Variants in MYO7B observed in about 807,000 individuals in gnomAD.
The protein encoded by MYO7B is unconventional myosin-VIIb.
MYO7B carries 212 observed loss-of-function variants against 259.7 expected under a neutral mutation model. That is an observed-to-expected ratio of 0.82 (90% CI 0.73 to 0.91). The LOEUF (loss-of-function observed/expected upper bound fraction) is 0.91, where lower values mean the gene tolerates loss of function less well. MYO7B is among the 40% of genes least tolerant of loss of function. The pLI, the probability that MYO7B is intolerant of heterozygous loss-of-function variation, is 0.00. For missense variants in MYO7B, 2,732 were observed against 2,813.5 expected (o/e 0.97, Z 0.66); for synonymous variants, 1,197 against 1,166.4 (o/e 1.03, Z -0.54).
At position 127,636,503 on chromosome 2, in the gene MYO7B, C is replaced by A. The variant is rs757692101; in HGVS notation, c.6124-42C>A. 1 of 1,573,876 alleles carries A rather than the reference C, an allele frequency of 6.4e-7. No homozygotes were observed. The highest frequency in any genetic ancestry group is 8.7e-7 in the Non-Finnish European group (1 of 1,155,136). On this transcript the variant is annotated intron_variant, in intron 45 of 47. Transcript: ENST00000409816. The surrounding 1 kb of genome is among the most constrained non-coding windows in gnomAD (Gnocchi z 4.5). Reference sequence around the variant, plus strand: ...TGAGCTCCTGGGAGGTGCAGCCTGGCCTCCCGGGCTGGACTATGACCGCCG... The same window carrying A: ...TGAGCTCCTGGGAGGTGCAGCCTGGACTCCCGGGCTGGACTATGACCGCCG...
At chr2:127,618,561 G>A (rs891794976) in intron 26 of MYO7B, among the ~76,000 whole-genome samples, 4 of 152,232 alleles carry the variant, frequency 2.6e-5, no homozygotes, top group African/African-American at 9.6e-5. Flanking sequence ...GGCAGACGCA[G>A]TTTGTCAGTT....
At chr2:127,544,793 G>T (rs1162945288) in intron 1 of MYO7B, among the ~76,000 whole-genome samples, 1 of 151,942 alleles carries the variant, frequency 6.6e-6, no homozygotes, top group Non-Finnish European at 1.5e-5. Flanking sequence ...TATTAGCCAG[G>T]ATGGTCTCGA....
At chr2:127,554,998 G>C (rs1422917862) in intron 1 of MYO7B, among the ~76,000 whole-genome samples, 1 of 151,034 alleles carries the variant, frequency 6.6e-6, no homozygotes, top group Non-Finnish European at 1.5e-5. Context: ...GCCCAGGCTG[G>C]AGCACAGTGG....
At chr2:127,601,385 T>C (rs1289673456) in intron 19 of MYO7B, among the ~76,000 whole-genome samples, 1 of 152,252 alleles carries the variant, frequency 6.6e-6, no homozygotes. Flanking sequence ...ATTTTCTGTC[T>C]ATGTGTTTTA....
At chr2:127,549,443 A>G (rs1303867821) in intron 1 of MYO7B, among the ~76,000 whole-genome samples, 1 of 152,220 alleles carries the variant, frequency 6.6e-6, no homozygotes, top group Non-Finnish European at 1.5e-5. Context: ...CTCAATAGGT[A>G]GTCTTCACAT....
At position 127,623,227 on chromosome 2, in the gene MYO7B, C is replaced by A. The variant is rs1307876875; in HGVS notation, c.3671C>A (p.Pro1224His). The change falls in exon 29 of 48, where the codon CCC (proline) becomes CAC (histidine). Residue 1224 changes from proline (P) to histidine (H), a missense_variant. Physicochemically the swap from Pro to His is moderately conservative, Grantham distance 77 (BLOSUM62 -2). Around this residue, in one of 3 missense-constraint regions of MYO7B, gnomAD observed 1,906 missense variants for 2,026.4 expected, o/e 0.94. Coordinates refer to ENST00000409816, the MANE Select transcript of MYO7B (RefSeq NM_001393586.1). ...LQAVKSKKHI[P>H]IQVILATGES... ...GCTGTCAAGTCCAAGAAGCACATCCCCATCCAAGTCATCTTGGCCACTGGA... is the reference window on the plus strand; with the variant it reads ...GCTGTCAAGTCCAAGAAGCACATCCACATCCAAGTCATCTTGGCCACTGGA... 11 of 1,613,508 alleles carry A rather than the reference C, an allele frequency of 6.8e-6. No homozygotes were observed. In the Admixed American group the frequency reaches 1.8e-4, roughly 27 times the overall value.
rs1692938560 is a variant in MYO7B, at chr2:127,539,947, T to G, written c.-24+4116T>G. 6.6e-6 allele frequency among the ~76,000 whole-genome samples: 1 copy of G among 152,240 alleles called. No homozygotes were observed. The highest frequency in any genetic ancestry group is 2.4e-5 in the African/African-American group (1 of 41,460). On this transcript the variant is annotated intron_variant, in intron 1 of 47. Transcript: ENST00000409816. This position sits in a 1 kb window ranked among gnomAD's most constrained non-coding sequence, Gnocchi z 4.0. Reference sequence around the variant, plus strand: ...CATACGATATTTGGTTTTCCATTTCTGAGTTACTTCACTTAGAATAATGGC... The same window carrying G: ...CATACGATATTTGGTTTTCCATTTCGGAGTTACTTCACTTAGAATAATGGC...
rs899212191 is a variant in MYO7B, at chr2:127,628,856, A to G, written c.4624+321A>G. On this transcript the variant is annotated intron_variant, in intron 34 of 47. Coordinates refer to ENST00000409816, the MANE Select transcript of MYO7B (RefSeq NM_001393586.1). This position sits in a 1 kb window ranked among gnomAD's most constrained non-coding sequence, Gnocchi z 4.8. Reference sequence around the variant, plus strand: ...GGGAAGTTTTGAACACCATCCCCACAGCGCACTGCTGCAAAAGCACCCCAT... The same window carrying G: ...GGGAAGTTTTGAACACCATCCCCACGGCGCACTGCTGCAAAAGCACCCCAT... 3.3e-5 allele frequency among the ~76,000 whole-genome samples: 5 copies of G among 152,208 alleles called. No homozygotes were observed. Among genetic ancestry groups the G allele is most frequent in the African/African-American group, 9.6e-5 (4 of 41,460 alleles).
intron 15 of MYO7B, among the ~76,000 whole-genome samples, chr2:127,589,391 G>C (rs1215067843): frequency 6.6e-6 from 1 of 150,396 alleles, no homozygotes; most frequent in Non-Finnish European, 1.5e-5. Context: ...GCATGGGTGG[G>C]TGCATGTGGC....
Position 127,588,397 on chromosome 2 carries a change from C to T in MYO7B, c.1696C>T (p.Leu566=), listed in dbSNP as rs1679385307. 2 of 1,612,634 alleles carry T rather than the reference C, an allele frequency of 1.2e-6. No individual in the cohort carries two copies. Among genetic ancestry groups the T allele is most frequent in the Non-Finnish European group, 1.7e-6 (2 of 1,179,710 alleles). The change falls in exon 15 of 48, where the codon CTG becomes TTG. Residue 566 remains leucine, a synonymous_variant. Coordinates refer to ENST00000409816, the MANE Select transcript of MYO7B (RefSeq NM_001393586.1). The part of the protein sequence containing the change: ...GEVYYQAEGF[L]EKNRDVLSTD... ...TGGGCCCTGTGTCTCCACAGGCTTCCTGGAGAAGAACCGAGACGTGCTGAG... is the reference window on the plus strand; with the variant it reads ...TGGGCCCTGTGTCTCCACAGGCTTCTTGGAGAAGAACCGAGACGTGCTGAG...
chr2:127,582,334 G>A lies in MYO7B; in HGVS notation c.1231G>A (p.Val411Ile), dbSNP rs759570678. The A allele has an allele frequency of 6.2e-7, 1 of 1,613,242 alleles. No homozygotes were observed. The highest frequency in any genetic ancestry group is 8.5e-7 in the Non-Finnish European group (1 of 1,179,644). The change falls in exon 12 of 48, where the codon GTC becomes ATC. Residue 411 changes from valine (V) to isoleucine (I), a missense_variant. Val to Ile is a conservative substitution (Grantham distance 29, BLOSUM62 3). Transcript: ENST00000409816. ...GIYGHLFLWIVKKINAAIFTP... is the reference protein window; with the variant it reads ...GIYGHLFLWIIKKINAAIFTP... ...CTATGGGCACCTCTTCCTGTGGATT[G>A]TCAAGAAGATCAATGCCGCCATCTT...
At chr2:127,621,948 T>G in intron 27 of MYO7B, 34 bp from the exon 28 acceptor site, 1 of 1,551,674 alleles carries the variant, frequency 6.4e-7, no homozygotes, top group Non-Finnish European at 8.7e-7. Context: ...CCTTTCTGAG[T>G]GTCTTCCTCC....
At chr2:127,612,709 T>C (rs1680434114) in intron 26 of MYO7B, 106 bp downstream of exon 26, 5 of 1,471,426 alleles carry the variant, frequency 3.4e-6, no homozygotes, top group Middle Eastern at 2.4e-4. Flanking sequence ...CACCTCCTTG[T>C]CCTGCGGCCT....
At chr2:127,550,617 C>T (rs2104818714) in intron 1 of MYO7B, among the ~76,000 whole-genome samples, 1 of 149,420 alleles carries the variant, frequency 6.7e-6, no homozygotes, top group South Asian at 2.1e-4. Flanking sequence ...GAGGGAAAGT[C>T]AGGAAAGTGG....
rs370093016 is a variant in MYO7B, at chr2:127,578,287, G to A, written c.1003+1G>A. The A allele has an allele frequency of 6.2e-7, 1 of 1,613,502 alleles. No individual in the cohort carries two copies. The highest frequency in any genetic ancestry group is 1.3e-5 in the African/African-American group (1 of 74,880). The stretch of plus-strand genomic sequence containing the variant: ...CACCTGGGGAATGTGGGGTTCATGG[G>A]TAATGCCGGTTCTGCCCCAACTGCA... On this transcript the variant is annotated splice_donor_variant, in intron 9 of 47. Coordinates refer to ENST00000409816, the MANE Select transcript of MYO7B (RefSeq NM_001393586.1). LOFTEE classifies it high-confidence loss of function.
At chr2:127,608,476 AC>A (rs903677750) in intron 21 of MYO7B, among the ~76,000 whole-genome samples, 2 of 151,986 alleles carry the variant, frequency 1.3e-5, no homozygotes, top group African/African-American at 4.8e-5. Context: ...CAGCAACCTC[AC>A]CTCTCCAGAG....
rs1323082064 is a variant in MYO7B, at chr2:127,590,699, G to A, written c.1992+470G>A. 6.6e-6 allele frequency among the ~76,000 whole-genome samples: 1 copy of A among 152,238 alleles called. No individual in the cohort carries two copies. Among genetic ancestry groups the A allele is most frequent in the Non-Finnish European group, 1.5e-5 (1 of 68,032 alleles). On this transcript the variant is annotated intron_variant, in intron 16 of 47. Transcript: ENST00000409816. The surrounding 1 kb of genome is among the most constrained non-coding windows in gnomAD (Gnocchi z 4.6). Reference sequence around the variant, plus strand: ...TCAGCTTTACCTGCTGTGAGACGGTGAGGGGGTGAGAGCCCACACTCCCTG... The same window carrying A: ...TCAGCTTTACCTGCTGTGAGACGGTAAGGGGGTGAGAGCCCACACTCCCTG...
rs372292322 is a variant in MYO7B, at chr2:127,590,085, T to C, written c.1855-7T>C. The C allele has an allele frequency of 9.6e-6, 15 of 1,569,068 alleles. No homozygotes were observed. Among genetic ancestry groups the C allele is most frequent in the South Asian group, 1.2e-5 (1 of 85,302 alleles). Reference sequence around the variant, plus strand: ...GACCCACTTGTGCTCTGTGCTTCCATTCACAGTCTGCAGACTCAAATAAAC... The same window carrying C: ...GACCCACTTGTGCTCTGTGCTTCCACTCACAGTCTGCAGACTCAAATAAAC... On this transcript the variant is annotated splice_region_variant and splice_polypyrimidine_tract_variant and intron_variant, in intron 15 of 47. Coordinates refer to ENST00000409816, the MANE Select transcript of MYO7B (RefSeq NM_001393586.1). The surrounding 1 kb of genome is among the most constrained non-coding windows in gnomAD (Gnocchi z 4.6).
Position 127,539,501 on chromosome 2 carries a change from G to C in MYO7B, c.-24+3670G>C, listed in dbSNP as rs1043792226. On this transcript the variant is annotated intron_variant, in intron 1 of 47. Transcript: ENST00000409816. This position sits in a 1 kb window ranked among gnomAD's most constrained non-coding sequence, Gnocchi z 4.0. ...GATAAAAAGGGAGAAAACGACATTG[G>C]CTATAACAGGAAATTCAGGAGAGTT... Among the ~76,000 whole-genome samples, 1 of 152,176 alleles carries C rather than the reference G, an allele frequency of 6.6e-6. No individual in the cohort carries two copies. The highest frequency in any genetic ancestry group is 1.5e-5 in the Non-Finnish European group (1 of 68,030).
Sources: gnomAD v4.1 joint callset for allele counts (sites outside exome capture counted in the v4.1 genomes callset) on GRCh38, gnomAD v4.1.1 for gene constraint, gnomAD v4.1.1 regional missense constraint, Gnocchi (gnomAD v3.1) non-coding constraint, MANE v1.5 for transcripts, NCBI Gene and HGNC (gene_info 2026-07-23, HGNC 2026-07-21) for gene names.